Variants in PDIA4 observed in about 807,000 individuals in gnomAD.
The protein encoded by PDIA4 is protein disulfide-isomerase A4.
A neutral mutation model predicts 62.1 loss-of-function variants in PDIA4; 33 were observed. That is an observed-to-expected ratio of 0.53 (90% confidence interval 0.40 to 0.71). The LOEUF is 0.71. Among genes scored for constraint, PDIA4 ranks in the 30% least tolerant of loss-of-function variants. PDIA4 has a pLI of 0.00. For missense variants in PDIA4, 804 were observed against 813.6 expected (o/e 0.99, Z 0.14); for synonymous variants, 341 against 324.1 (o/e 1.05, Z -0.56).
intron 5 of PDIA4, 46 bp from the exon 6 acceptor site, chr7:149,012,050 A>T: frequency 6.2e-7 from 1 of 1,600,752 alleles, no homozygotes. Flanking sequence ...AGAACTGCCC[A>T]CTTCCCATGG....
In PDIA4 at chr7:149,012,233, C is replaced by T; in HGVS notation, c.742G>A (p.Asp248Asn). ...TAETDLAKRFDVSGYPTLKIF... is the reference protein window; with the variant it reads ...TAETDLAKRFNVSGYPTLKIF... Reference sequence around the variant, plus strand: ...TTCAGGGTGGGATAGCCAGAGACATCAAACCTCTTGGCCAGGTCTGTTTCT... The same window carrying T: ...TTCAGGGTGGGATAGCCAGAGACATTAAACCTCTTGGCCAGGTCTGTTTCT... Residue 248 changes from aspartate (D) to asparagine (N), a missense_variant, in exon 5 of 10, where the codon GAT (aspartate) becomes AAT (asparagine). Asp to Asn is a conservative substitution (Grantham distance 23). Coordinates refer to ENST00000652332, the MANE Select transcript of PDIA4 (RefSeq NM_004911.5). The T allele has an allele frequency of 6.2e-7, 1 of 1,614,124 alleles. No individual in the cohort carries two copies. The highest frequency in any genetic ancestry group is 8.5e-7 in the Non-Finnish European group (1 of 1,180,024).
chr7:149,021,746 C>T (rs975876833), intron 1 of PDIA4, among the ~76,000 whole-genome samples: 1 of 152,164 alleles, frequency 6.6e-6, no homozygotes, highest in Non-Finnish European at 1.5e-5. Flanking sequence ...CTACCCTACC[C>T]TTCCAGAGTC....
At chr7:149,008,355 A>G (rs769994844) in intron 6 of PDIA4, 45 bp from the exon 7 acceptor site, 1 of 1,575,392 alleles carries the variant, frequency 6.3e-7, no homozygotes, top group Non-Finnish European at 8.7e-7. Context: ...AATTGCCTAA[A>G]TGTCTGAGAT....
At chr7:149,018,431 T>C (rs899633480) in intron 3 of PDIA4, among the ~76,000 whole-genome samples, 3 of 150,824 alleles carry the variant, frequency 2.0e-5, no homozygotes, top group African/African-American at 7.3e-5. Context: ...TTCCTTACAC[T>C]CCTGTTTATT....
chr7:149,022,850 T>A (rs1309305532), intron 1 of PDIA4, among the ~76,000 whole-genome samples: 1 of 152,120 alleles, frequency 6.6e-6, no homozygotes, highest in African/African-American at 2.4e-5. Context: ...CATGTACCAA[T>A]CTGCAAACTT....
chr7:149,004,668 GAGGCTCTGAGTC>G (rs1456719730), intron 9 of PDIA4, among the ~76,000 whole-genome samples: 1 of 152,232 alleles, frequency 6.6e-6, no homozygotes, highest in Non-Finnish European at 1.5e-5. Context: ...CGAGGGTGAA[GAGGCTCTGAGTC>G]AGGCTCTGAA....
At position 149,014,984 on chromosome 7, in the gene PDIA4, G is replaced by A; in HGVS notation, c.534C>T (p.Val178=). The part of the protein sequence containing the change: ...SQPDWTPPPE[V]TLVLTKENFD... ...AGTTCTCTTTGGTCAACACAAGCGT[G>A]ACTTCTGGTGGAGGCGTCCAGTCGG... Residue 178 remains valine, a synonymous_variant, in exon 4 of 10, where the codon GTC becomes GTT. Transcript: ENST00000652332. The A allele has an allele frequency of 6.2e-7, 1 of 1,614,146 alleles. No individual in the cohort carries two copies. The highest frequency in any genetic ancestry group is 1.1e-5 in the South Asian group (1 of 91,092).
intron 1 of PDIA4, chr7:149,027,701 A>C (rs929290562): frequency 1.1e-5 from 4 of 358,628 alleles, no homozygotes; most frequent in African/African-American, 6.8e-5. Context: ...CCACACTCAC[A>C]ATCTTTTCCT....
chr7:149,007,073 T>G (rs1365114655), intron 7 of PDIA4, among the ~76,000 whole-genome samples: 4 of 151,430 alleles, frequency 2.6e-5, no homozygotes, highest in African/African-American at 9.7e-5. Flanking sequence ...TGGAAGGAAG[T>G]GAAGCTGGGG....
At chr7:149,023,538 C>T (rs184137298) in intron 1 of PDIA4, among the ~76,000 whole-genome samples, 6 of 152,082 alleles carry the variant, frequency 3.9e-5, no homozygotes, top group African/African-American at 9.6e-5. Flanking sequence ...TTAAGTAGTG[C>T]TTTGGGACCA....
intron 1 of PDIA4, among the ~76,000 whole-genome samples, chr7:149,025,169 T>G (rs1204454645): frequency 6.7e-6 from 1 of 149,956 alleles, no homozygotes; most frequent in Non-Finnish European, 1.5e-5. Flanking sequence ...ATGAGACAAA[T>G]GAATTCCCAA....
At chr7:149,023,402 T>C (rs1824423590) in intron 1 of PDIA4, among the ~76,000 whole-genome samples, 1 of 152,224 alleles carries the variant, frequency 6.6e-6, no homozygotes, top group African/African-American at 2.4e-5. Flanking sequence ...ATACACATCT[T>C]GTGCTGATGT....
At chr7:149,011,551 T>A (rs1823943929) in intron 6 of PDIA4, among the ~76,000 whole-genome samples, 1 of 152,186 alleles carries the variant, frequency 6.6e-6, no homozygotes, top group Non-Finnish European at 1.5e-5. Flanking sequence ...GCTGGTTTGA[T>A]TCAGAGGCCG....
intron 3 of PDIA4, among the ~76,000 whole-genome samples, chr7:149,015,889 C>G (rs1554445685): frequency 1.3e-5 from 2 of 152,244 alleles, no homozygotes; most frequent in Non-Finnish European, 2.9e-5. Context: ...GCCTCTTTAT[C>G]AAAACATAGC....
At chr7:149,006,645 G>A (rs1050142570) in intron 7 of PDIA4, among the ~76,000 whole-genome samples, 4 of 152,316 alleles carry the variant, frequency 2.6e-5, no homozygotes, top group South Asian at 2.1e-4. Context: ...TGGTGAGAAG[G>A]GAGCAGAAGG....
Position 149,003,839 on chromosome 7 carries a change from T to C in PDIA4, c.1893A>G (p.Ile631Met), listed in dbSNP as rs1417965844. Residue 631 changes from isoleucine (I) to methionine (M), a missense_variant, in exon 10 of 10, where the codon ATA (isoleucine) becomes ATG (methionine). By Grantham distance (10) the Ile-to-Met change is conservative. Coordinates refer to ENST00000652332, the MANE Select transcript of PDIA4 (RefSeq NM_004911.5). The part of the protein sequence containing the change: ...DRDLEHLSKF[I>M]EEHATKLSRT... ...TGCTCAGTTTTGTGGCATGTTCTTC[T>C]ATAAACTTGCTCAAATGCTCCAGAT... is the stretch of plus-strand genomic sequence containing the variant. 4.4e-6 allele frequency: 7 copies of C among 1,597,958 alleles called. No homozygotes were observed. Among genetic ancestry groups the C allele is most frequent in the Admixed American group, 1.7e-5 (1 of 57,890 alleles).
Position 149,014,979 on chromosome 7 carries a change from A to C in PDIA4, c.539T>G (p.Leu180Arg). ...PDWTPPPEVT[L>R]VLTKENFDEV... Reference sequence around the variant, plus strand: ...ATCAAAGTTCTCTTTGGTCAACACAAGCGTGACTTCTGGTGGAGGCGTCCA... The same window carrying C: ...ATCAAAGTTCTCTTTGGTCAACACACGCGTGACTTCTGGTGGAGGCGTCCA... The change falls in exon 4 of 10, where the codon CTT becomes CGT. Residue 180 changes from leucine to arginine, a missense_variant. Coordinates refer to ENST00000652332, the MANE Select transcript of PDIA4 (RefSeq NM_004911.5). The C allele has an allele frequency of 6.2e-7, 1 of 1,614,138 alleles. No individual in the cohort carries two copies. The highest frequency in any genetic ancestry group is 8.5e-7 in the Non-Finnish European group (1 of 1,179,982).
chr7:149,017,526 G>T (rs1449227280), intron 3 of PDIA4, among the ~76,000 whole-genome samples: 1 of 152,098 alleles, frequency 6.6e-6, no homozygotes, highest in Non-Finnish European at 1.5e-5. Flanking sequence ...GGAGGTTGCG[G>T]TGAGCTGAGA....
At chr7:149,028,139 C>T (rs1368455013) in intron 1 of PDIA4, 182 bp downstream of exon 1, 2 of 598,496 alleles carry the variant, frequency 3.3e-6, no homozygotes, top group Non-Finnish European at 3.0e-6. Flanking sequence ...GATCCTGCCA[C>T]TGCCACAGCC....
Sources: gnomAD v4.1 joint callset for allele counts (sites outside exome capture counted in the v4.1 genomes callset) on GRCh38, gnomAD v4.1.1 for gene constraint, MANE v1.5 for transcripts, NCBI Gene and HGNC (gene_info 2026-07-23, HGNC 2026-07-21) for gene names.